The following CNTNAP4 variants were observed in gnomAD, a reference collection of about 807,000 sequenced individuals.
CNTNAP4 encodes the protein contactin associated protein family member 4.
Under a neutral mutation model 148.4 loss-of-function variants are expected in CNTNAP4, and 98 were observed. The observed-to-expected ratio is 0.66, with a 90% CI of 0.56 to 0.78. The LOEUF is 0.78. Ranked by LOEUF, CNTNAP4 falls within the 30% of genes least tolerant of loss-of-function variation. CNTNAP4 has a pLI of 0.00. For missense variants in CNTNAP4, 1,935 were observed against 1,565.6 expected (o/e 1.24, Z -3.98); for synonymous variants, 730 against 565.1 (o/e 1.29, Z -4.14).
At chr16:76,552,007 A>T (rs1265533666) in intron 21 of CNTNAP4, among the ~76,000 whole-genome samples, 1 of 152,218 alleles carries the variant, frequency 6.6e-6, no homozygotes, top group Non-Finnish European at 1.5e-5. Context: ...AAAGAGGTGT[A>T]ATCAACACAG....
At chr16:76,341,470 A>G (rs995091874) in intron 2 of CNTNAP4, among the ~76,000 whole-genome samples, 1 of 152,194 alleles carries the variant, frequency 6.6e-6, no homozygotes, top group Admixed American at 6.5e-5. Context: ...TTGAAGGTTA[A>G]ACTGACCAGA....
rs188322816 is a variant in CNTNAP4 at position 76,336,230 on chromosome 16, C to A, written c.197-19088C>A. On this transcript the variant is annotated intron_variant, in intron 2 of 23. Transcript: ENST00000611870. ...AAAATGCAGATTTTCACACTTGAGG[C>A]TGTAACTGAGAAATTCATAACTGCA... Among the ~76,000 whole-genome samples the A allele has an allele frequency of 5.9e-5, 9 of 152,250 alleles. No individual in the cohort carries two copies. The East Asian group carries it at 1.7e-3, about 29-fold the overall frequency.
chr16:76,528,075 A>G (rs1306879848), intron 17 of CNTNAP4, among the ~76,000 whole-genome samples: 2 of 152,210 alleles, frequency 1.3e-5, no homozygotes, highest in Non-Finnish European at 2.9e-5. Flanking sequence ...TTAAAATATA[A>G]ATATGAAATG....
At chr16:76,449,423 T>C (rs1031922636) in intron 6 of CNTNAP4, among the ~76,000 whole-genome samples, 2 of 152,166 alleles carry the variant, frequency 1.3e-5, no homozygotes, top group African/African-American at 4.8e-5. Flanking sequence ...ATATTATAAT[T>C]GGTTATAGTA....
chr16:76,405,919 A>G (rs1465095726), intron 3 of CNTNAP4, among the ~76,000 whole-genome samples: 1 of 152,064 alleles, frequency 6.6e-6, no homozygotes, highest in Non-Finnish European at 1.5e-5. Flanking sequence ...GTGCTGCATT[A>G]GAAGCCATTA....
intron 15 of CNTNAP4, among the ~76,000 whole-genome samples, chr16:76,510,256 C>G (rs1481556431): frequency 6.6e-5 from 10 of 151,994 alleles, no homozygotes; most frequent in Non-Finnish European, 1.3e-4. Context: ...TATGTGATCT[C>G]TTGTGACTGA....
intron 2 of CNTNAP4, among the ~76,000 whole-genome samples, chr16:76,319,433 A>G (rs534872825): frequency 6.6e-6 from 1 of 152,234 alleles, no homozygotes; most frequent in East Asian, 1.9e-4. Flanking sequence ...ACCATTAAAC[A>G]TACTTTCCAT....
At chr16:76,377,265 C>A (rs919615285) in intron 3 of CNTNAP4, among the ~76,000 whole-genome samples, 1 of 151,990 alleles carries the variant, frequency 6.6e-6, no homozygotes, top group African/African-American at 2.4e-5. Context: ...TTTAAAAATA[C>A]CTTTAAAGAA....
At chr16:76,403,810 T>C (rs529665659) in intron 3 of CNTNAP4, among the ~76,000 whole-genome samples, 18 of 152,208 alleles carry the variant, frequency 1.2e-4, no homozygotes, top group East Asian at 1.2e-3. Context: ...TGCCCATAAG[T>C]GACAGACTGG....
At chr16:76,405,391 AAC>A in intron 3 of CNTNAP4, among the ~76,000 whole-genome samples, 1 of 152,202 alleles carries the variant, frequency 6.6e-6, no homozygotes. Flanking sequence ...ACTTTTGGAT[AAC>A]ACAGGGAGGA....
At chr16:76,304,878 A>G (rs9923941) in intron 1 of CNTNAP4, among the ~76,000 whole-genome samples, 1 of 151,990 alleles carries the variant, frequency 6.6e-6, no homozygotes, top group African/African-American at 2.4e-5. Flanking sequence ...TGTAACCTTT[A>G]AGATAGACTT....
intron 3 of CNTNAP4, among the ~76,000 whole-genome samples, chr16:76,422,890 T>C (rs918302306): frequency 1.5e-4 from 23 of 152,192 alleles, no homozygotes; most frequent in African/African-American, 5.1e-4. Flanking sequence ...TCCAAATATT[T>C]GTGTCTCCCC....
intron 3 of CNTNAP4, among the ~76,000 whole-genome samples, chr16:76,387,203 T>A (rs1467952296): frequency 6.6e-6 from 1 of 152,178 alleles, no homozygotes; most frequent in Non-Finnish European, 1.5e-5. Context: ...AGAAAATTGA[T>A]ACACCTACCA....
chr16:76,385,643 A>T (rs2144730784), intron 3 of CNTNAP4, among the ~76,000 whole-genome samples: 1 of 151,990 alleles, frequency 6.6e-6, no homozygotes, highest in East Asian at 1.9e-4. Context: ...GTGAACACTG[A>T]ATTAGAGAGT....
intron 2 of CNTNAP4, among the ~76,000 whole-genome samples, chr16:76,338,916 A>G (rs1464273583): frequency 6.6e-6 from 1 of 152,206 alleles, no homozygotes; most frequent in African/African-American, 2.4e-5. Context: ...ATCTCTGTTT[A>G]TAGCCAGCAG....
At chr16:76,309,106 A>C (rs1408245133) in intron 1 of CNTNAP4, among the ~76,000 whole-genome samples, 1 of 151,976 alleles carries the variant, frequency 6.6e-6, no homozygotes, top group Non-Finnish European at 1.5e-5. Flanking sequence ...CACCTGGCCT[A>C]TAATACTTTT....
intron 3 of CNTNAP4, among the ~76,000 whole-genome samples, chr16:76,424,776 A>G (rs543277167): frequency 6.6e-6 from 1 of 152,062 alleles, no homozygotes; most frequent in South Asian, 2.1e-4. Flanking sequence ...AAAAACAAAA[A>G]CAAAAAGACG....
intron 3 of CNTNAP4, among the ~76,000 whole-genome samples, chr16:76,356,686 G>T (rs1320182791): frequency 1.3e-5 from 2 of 152,122 alleles, no homozygotes; most frequent in African/African-American, 2.4e-5. Flanking sequence ...GAGAAAATGG[G>T]TTACTTAATG....
intron 8 of CNTNAP4, 106 bp from the exon 9 acceptor site, chr16:76,461,850 A>C (rs2080974898): frequency 2.4e-6 from 2 of 822,236 alleles, no homozygotes; most frequent in Non-Finnish European, 3.8e-6. Context: ...TTAATAATAG[A>C]GTTAAGTACT....
Sources: allele counts gnomAD v4.1 joint callset (sites outside exome capture counted in the v4.1 genomes callset), GRCh38; gene constraint gnomAD v4.1.1; transcripts MANE v1.5; gene names NCBI Gene and HGNC (gene_info 2026-07-23, HGNC 2026-07-21).